The following GALNT1 variants were observed in gnomAD, a reference collection of about 807,000 sequenced individuals.
GALNT1 encodes GalNAc transferase 1.
GALNT1 carries 17 observed loss-of-function variants against 65.7 expected under a neutral mutation model. That is an observed-to-expected ratio of 0.26 (90% CI 0.18 to 0.39). The LOEUF is 0.39. Among genes scored for constraint, GALNT1 ranks in the 10% least tolerant of loss-of-function variants. GALNT1 has a pLI of 1.00. For missense variants in GALNT1, 460 were observed against 672.8 expected, an observed-to-expected ratio of 0.68 and a Z score of 3.50; for synonymous variants, 210 against 219.7, an observed-to-expected ratio of 0.96 and a Z score of 0.39.
intron 11 of GALNT1, among the ~76,000 whole-genome samples, chr18:35,704,022 G>T (rs1005701307): frequency 6.6e-6 from 1 of 152,174 alleles, no homozygotes; most frequent in Non-Finnish European, 1.5e-5. Flanking sequence ...TCTCTGGCTT[G>T]TGATGATTTC....
rs534182616 is a variant in GALNT1 at position 35,646,892 on chromosome 18, A to G, written c.-103-7668A>G. Among the ~76,000 whole-genome samples, 4 of 152,172 alleles carry G rather than the reference A, an allele frequency of 2.6e-5. No individual in the cohort carries two copies. In the South Asian group the frequency reaches 8.3e-4, roughly 32 times the overall value. Reference sequence around the variant, plus strand: ...GGTTCAAAGGCACCTCATACTCAACATGTCCCAAATCACACTTAACGTTTC... The same window carrying G: ...GGTTCAAAGGCACCTCATACTCAACGTGTCCCAAATCACACTTAACGTTTC... On this transcript the variant is annotated intron_variant, in intron 1 of 11. Coordinates refer to ENST00000269195, the MANE Select transcript of GALNT1 (RefSeq NM_020474.4).
chr18:35,681,653 T>C (rs2047788576), intron 4 of GALNT1, among the ~76,000 whole-genome samples: 1 of 152,132 alleles, frequency 6.6e-6, no homozygotes, highest in Non-Finnish European at 1.5e-5. Flanking sequence ...TTGATTGATC[T>C]AAGGTACTAA....
chr18:35,595,294 A>G (rs2046491612), intron 1 of GALNT1, among the ~76,000 whole-genome samples: 1 of 152,182 alleles, frequency 6.6e-6, no homozygotes, highest in Admixed American at 6.5e-5. Context: ...TCTGCCTGGG[A>G]CACACACACA....
chr18:35,664,066 A>G (rs2047512421), intron 3 of GALNT1: 1 of 394,178 alleles, frequency 2.5e-6, no homozygotes, highest in African/African-American at 2.1e-5. Flanking sequence ...TTATTACCAA[A>G]ATACTCACAT....
chr18:35,642,071 C>T (rs2047171068), intron 1 of GALNT1, among the ~76,000 whole-genome samples: 1 of 152,126 alleles, frequency 6.6e-6, no homozygotes, highest in Admixed American at 6.5e-5. Context: ...TTGCATGACT[C>T]AAAAAGCCTG....
At chr18:35,691,343 G>T in intron 8 of GALNT1, 151 bp downstream of exon 8, 1 of 538,156 alleles carries the variant, frequency 1.9e-6, no homozygotes, top group Non-Finnish European at 3.1e-6. Context: ...ATCACACACA[G>T]TATAGAAAGT....
At chr18:35,671,928 T>C (rs369572622) in intron 3 of GALNT1, among the ~76,000 whole-genome samples, 1 of 152,246 alleles carries the variant, frequency 6.6e-6, no homozygotes. Flanking sequence ...CTCCAATCTG[T>C]TCTTTTGGAG....
intron 9 of GALNT1, among the ~76,000 whole-genome samples, chr18:35,700,288 T>C (rs910731884): frequency 6.6e-6 from 1 of 152,246 alleles, no homozygotes; most frequent in African/African-American, 2.4e-5. Context: ...CAGAATCCTC[T>C]GTCCTCTAAT....
At chr18:35,695,084 AT>A (rs2048033062) in intron 9 of GALNT1, among the ~76,000 whole-genome samples, 1 of 152,156 alleles carries the variant, frequency 6.6e-6, no homozygotes, top group Admixed American at 6.5e-5. Context: ...AGTTCTGGAG[AT>A]TTGTTTCACA....
chr18:35,631,583 A>G lies in GALNT1; in HGVS notation c.-103-22977A>G, dbSNP rs975919915. On this transcript the variant is annotated intron_variant, in intron 1 of 11. Coordinates refer to ENST00000269195, the MANE Select transcript of GALNT1 (RefSeq NM_020474.4). Reference sequence around the variant, plus strand: ...AAAATAATAAGAGCTATCTATGACAAACCCACAGCCAATATCATACTGAAT... The same window carrying G: ...AAAATAATAAGAGCTATCTATGACAGACCCACAGCCAATATCATACTGAAT... Among the ~76,000 whole-genome samples the G allele has an allele frequency of 1.4e-4, 21 of 152,328 alleles. No homozygotes were observed. The East Asian group carries it at 1.5e-3, about 11-fold the overall frequency.
chr18:35,675,285 T>A (rs1393076485), intron 3 of GALNT1, among the ~76,000 whole-genome samples: 3 of 152,220 alleles, frequency 2.0e-5, no homozygotes, highest in African/African-American at 7.2e-5. Context: ...GTACCTGTTC[T>A]GAGGTTAATT....
rs3737383 is a variant in GALNT1 at position 35,689,310 on chromosome 18, T to A, written c.978+20T>A. The A allele has an allele frequency of 0.18, 249,785 of 1,363,942 alleles. 24,294 individuals carry two copies. The highest frequency in any genetic ancestry group is 0.33 in the African/African-American group (22,960 of 68,634). 84.5% of individuals were successfully genotyped at this position (1,363,942 alleles called of 1,614,324 possible). On this transcript the variant is annotated intron_variant, in intron 7 of 11. Transcript: ENST00000269195. ...TTTAGGGTAAGTTCCCTTAAAAAAA[T>A]TTAATCTTTTATTTAACTTCAAGTA...
chr18:35,651,835 A>G (rs145273819), intron 1 of GALNT1, among the ~76,000 whole-genome samples: 17 of 152,356 alleles, frequency 1.1e-4, no homozygotes, highest in African/African-American at 4.1e-4. Context: ...TATGAAAACT[A>G]GAATCTTACC....
intron 9 of GALNT1, among the ~76,000 whole-genome samples, chr18:35,699,145 CTAAT>C (rs905870239): frequency 8.5e-5 from 13 of 152,262 alleles, no homozygotes; most frequent in African/African-American, 3.1e-4. Flanking sequence ...AATCTTATAA[CTAAT>C]GTATGCCCCC....
At chr18:35,599,796 T>C (rs1330383938) in intron 1 of GALNT1, among the ~76,000 whole-genome samples, 1 of 152,212 alleles carries the variant, frequency 6.6e-6, no homozygotes, top group African/African-American at 2.4e-5. Context: ...CTTTCCCCAG[T>C]GATTATTCTT....
intron 1 of GALNT1, among the ~76,000 whole-genome samples, chr18:35,589,880 A>C (rs913083243): frequency 1.3e-5 from 2 of 152,244 alleles, no homozygotes; most frequent in Non-Finnish European, 2.9e-5. Context: ...TCCATTTCAA[A>C]AATTATTGGA....
chr18:35,612,531 A>T (rs1464874689), intron 1 of GALNT1, among the ~76,000 whole-genome samples: 1 of 152,186 alleles, frequency 6.6e-6, no homozygotes, highest in African/African-American at 2.4e-5. Context: ...TTAATATTAA[A>T]GTGTGCCCCA....
At chr18:35,698,997 A>G (rs2048110679) in intron 9 of GALNT1, among the ~76,000 whole-genome samples, 1 of 151,180 alleles carries the variant, frequency 6.6e-6, no homozygotes, top group South Asian at 2.1e-4. Context: ...TAAAATAAAT[A>G]AAATAAAATA....
At chr18:35,653,546 C>G (rs531396225) in intron 1 of GALNT1, among the ~76,000 whole-genome samples, 1 of 152,342 alleles carries the variant, frequency 6.6e-6, no homozygotes, top group East Asian at 1.9e-4. Flanking sequence ...TTTCCTCACT[C>G]CACTTCATAG....
Sources: gnomAD v4.1 joint callset for allele counts (sites outside exome capture counted in the v4.1 genomes callset) on GRCh38, gnomAD v4.1.1 for gene constraint, MANE v1.5 for transcripts, NCBI Gene and HGNC (gene_info 2026-07-23, HGNC 2026-07-21) for gene names.